B3GALT1: variants seen among roughly 807,000 people sequenced by gnomAD.
B3GALT1 encodes the protein beta-1,3-galactosyltransferase 1.
Under a neutral mutation model 23.2 loss-of-function variants are expected in B3GALT1, and 10 were observed. The ratio of observed to expected loss-of-function variants is 0.43; its 90% CI spans 0.27 to 0.73. The LOEUF (loss-of-function observed/expected upper bound fraction) is 0.73, where lower values mean the gene tolerates loss of function less well. Among genes scored for constraint, B3GALT1 ranks in the 30% least tolerant of loss-of-function variants. B3GALT1 has a pLI of 0.21. For synonymous variants in B3GALT1, 156 were observed against 141.5 expected (o/e 1.10, Z -0.73); for missense variants, 299 against 405.4 (o/e 0.74, Z 2.25).
At chr2:167,308,080 G>A (rs1574026735) in intron 1 of B3GALT1, among the ~76,000 whole-genome samples, 2 of 152,122 alleles carry the variant, frequency 1.3e-5, no homozygotes, top group Middle Eastern at 3.4e-3. Flanking sequence ...ATGTTACTGT[G>A]TGTTAGAAAT....
chr2:167,512,616 ATATACGTG>A (rs1366865821), intron 2 of B3GALT1, among the ~76,000 whole-genome samples: 1 of 87,938 alleles, frequency 1.1e-5, no homozygotes, highest in South Asian at 4.3e-4. Flanking sequence ...ATGTATATAT[ATATACGTG>A]TATATATATA....
chr2:167,389,789 A>G (rs1052286401), intron 1 of B3GALT1, among the ~76,000 whole-genome samples: 4 of 151,818 alleles, frequency 2.6e-5, no homozygotes, highest in African/African-American at 9.7e-5. Flanking sequence ...TCTCATGCCT[A>G]TAGTCCCAGT....
chr2:167,676,690 T>C (rs1023792900), intron 3 of B3GALT1, among the ~76,000 whole-genome samples: 21 of 152,010 alleles, frequency 1.4e-4, no homozygotes, highest in Admixed American at 7.2e-4. Flanking sequence ...GCCTCCCAAG[T>C]AGCAAGGATT....
chr2:167,563,526 C>CTG (rs577047430), intron 2 of B3GALT1, among the ~76,000 whole-genome samples: 1 of 10,068 alleles, frequency 9.9e-5, no homozygotes, highest in Non-Finnish European at 1.3e-4. Flanking sequence ...GGGCGGCTGG[C>CTG]GGCGGGGGGC....
At chr2:167,524,457 C>T (rs1353447564) in intron 2 of B3GALT1, among the ~76,000 whole-genome samples, 1 of 152,136 alleles carries the variant, frequency 6.6e-6, no homozygotes, top group Non-Finnish European at 1.5e-5. Flanking sequence ...AAACTCAGTT[C>T]ATAGCTAATT....
chr2:167,592,336 G>C (rs984322305), intron 2 of B3GALT1, among the ~76,000 whole-genome samples: 1 of 152,132 alleles, frequency 6.6e-6, no homozygotes, highest in African/African-American at 2.4e-5. Flanking sequence ...TAATCTAAGA[G>C]GATCTCTCTC....
chr2:167,324,319 A>G (rs1696858388), intron 1 of B3GALT1, among the ~76,000 whole-genome samples: 1 of 152,058 alleles, frequency 6.6e-6, no homozygotes, highest in South Asian at 2.1e-4. Context: ...GTATATAGAT[A>G]GAAAATCTGT....
At chr2:167,742,650 T>G (rs527849176) in intron 3 of B3GALT1, among the ~76,000 whole-genome samples, 1 of 152,296 alleles carries the variant, frequency 6.6e-6, no homozygotes, top group South Asian at 2.1e-4. Flanking sequence ...ACCTTATTTG[T>G]TAAATAATAA....
chr2:167,407,375 T>G (rs532276347), intron 1 of B3GALT1, among the ~76,000 whole-genome samples: 426 of 152,156 alleles, frequency 2.8e-3, no homozygotes, highest in African/African-American at 9.7e-3. Context: ...AATAAATGCC[T>G]ATATCAAAAA....
chr2:167,663,187 C>T (rs1261288501), intron 3 of B3GALT1, among the ~76,000 whole-genome samples: 1 of 146,794 alleles, frequency 6.8e-6, no homozygotes, highest in East Asian at 2.0e-4. Flanking sequence ...TCAATTCCCA[C>T]CTATGAGTGA....
chr2:167,424,008 G>A (rs1393001111), intron 1 of B3GALT1, among the ~76,000 whole-genome samples: 4 of 152,094 alleles, frequency 2.6e-5, no homozygotes, highest in Admixed American at 6.5e-5. Context: ...TGACACCAAA[G>A]CAGAGATACA....
chr2:167,796,697 GCTGTGATTGT>G (rs1688552106), intron 3 of B3GALT1, among the ~76,000 whole-genome samples: 1 of 152,190 alleles, frequency 6.6e-6, no homozygotes, highest in Non-Finnish European at 1.5e-5. Flanking sequence ...GTTGCAGTGA[GCTGTGATTGT>G]GCCACTGCAC....
chr2:167,326,483 G>A (rs529842957), intron 1 of B3GALT1, among the ~76,000 whole-genome samples: 1 of 152,010 alleles, frequency 6.6e-6, no homozygotes, highest in East Asian at 1.9e-4. Context: ...GTCATTTTGA[G>A]ATCTTAAAGA....
At chr2:167,837,007 T>A (rs1325768701) in intron 4 of B3GALT1, among the ~76,000 whole-genome samples, 1 of 152,044 alleles carries the variant, frequency 6.6e-6, no homozygotes, top group Non-Finnish European at 1.5e-5. Context: ...AGGCCTGCCC[T>A]AAAAGAGCTC....
At chr2:167,676,309 A>C (rs944021249) in intron 3 of B3GALT1, among the ~76,000 whole-genome samples, 2 of 152,086 alleles carry the variant, frequency 1.3e-5, no homozygotes, top group Non-Finnish European at 2.9e-5. Flanking sequence ...TATACTCACA[A>C]AAATATGAAG....
intron 3 of B3GALT1, among the ~76,000 whole-genome samples, chr2:167,806,378 G>A (rs1473272382): frequency 1.3e-5 from 2 of 152,190 alleles, no homozygotes; most frequent in African/African-American, 2.4e-5. Flanking sequence ...GAATAGGAGT[G>A]GTGAGAGAGG....
At chr2:167,826,046 G>A (rs1339434933) in intron 4 of B3GALT1, among the ~76,000 whole-genome samples, 2 of 152,174 alleles carry the variant, frequency 1.3e-5, no homozygotes, top group Non-Finnish European at 2.9e-5. Context: ...AGAGATTGGT[G>A]CCATACAATT....
At chr2:167,506,238 T>A (rs2105350936) in intron 2 of B3GALT1, among the ~76,000 whole-genome samples, 1 of 152,308 alleles carries the variant, frequency 6.6e-6, no homozygotes, top group Middle Eastern at 3.4e-3. Flanking sequence ...GATTTTTTGA[T>A]GTGATTGTTG....
intron 2 of B3GALT1, among the ~76,000 whole-genome samples, chr2:167,560,294 T>C (rs1479423331): frequency 6.6e-6 from 1 of 151,164 alleles, no homozygotes; most frequent in East Asian, 1.9e-4. Flanking sequence ...CTCAAAGAGC[T>C]CCTAAAGGAA....
Sources: gnomAD v4.1 joint callset for allele counts (sites outside exome capture counted in the v4.1 genomes callset) on GRCh38, gnomAD v4.1.1 for gene constraint, MANE v1.5 for transcripts, NCBI Gene and HGNC (gene_info 2026-07-23, HGNC 2026-07-21) for gene names.